The following NEK10 variants were observed in gnomAD, a reference collection of about 807,000 sequenced individuals.
The protein encoded by NEK10 is serine/threonine-protein kinase Nek10.
NEK10 carries 122 observed loss-of-function variants against 159.8 expected under a neutral mutation model. The observed-to-expected ratio is 0.76, with a 90% CI of 0.66 to 0.89. The LOEUF (loss-of-function observed/expected upper bound fraction) is 0.89, where lower values mean the gene tolerates loss of function less well. Ranked by LOEUF, NEK10 falls within the 40% of genes least tolerant of loss-of-function variation. The probability of loss-of-function intolerance (pLI) is 0.00; values close to 1 mark genes in which losing one functional copy is unlikely to be tolerated. For missense variants in NEK10, 1,342 were observed against 1,323.1 expected (o/e 1.01, Z -0.22); for synonymous variants, 466 against 457.1 (o/e 1.02, Z -0.25).
At chr3:27,255,977 T>C (rs1372075304) in intron 23 of NEK10, among the ~76,000 whole-genome samples, 1 of 152,136 alleles carries the variant, frequency 6.6e-6, no homozygotes, top group Admixed American at 6.5e-5. Flanking sequence ...GGGTAGCATA[T>C]CTATTACTTC....
intron 29 of NEK10, among the ~76,000 whole-genome samples, chr3:27,169,352 T>C (rs1559544891): frequency 1.3e-5 from 2 of 152,206 alleles, no homozygotes; most frequent in African/African-American, 4.8e-5. Flanking sequence ...TGGTTCTCTT[T>C]GGCATTTTGG....
intron 22 of NEK10, among the ~76,000 whole-genome samples, chr3:27,261,559 C>G (rs996572247): frequency 2.0e-4 from 30 of 152,154 alleles, no homozygotes; most frequent in Non-Finnish European, 4.1e-4. Context: ...ATCCTGAGTT[C>G]TAGTTTGATT....
At chr3:27,188,811 C>T (rs1275911474) in intron 26 of NEK10, among the ~76,000 whole-genome samples, 1 of 152,130 alleles carries the variant, frequency 6.6e-6, no homozygotes, top group African/African-American at 2.4e-5. Flanking sequence ...CAGGTTTTGT[C>T]AGGCTGAATT....
intron 30 of NEK10, among the ~76,000 whole-genome samples, chr3:27,161,861 C>T (rs909255293): frequency 3.3e-5 from 5 of 151,988 alleles, no homozygotes; most frequent in Non-Finnish European, 5.9e-5. Flanking sequence ...AAAAATTAGC[C>T]AGGAATGGTG....
At chr3:27,285,066 T>C in intron 20 of NEK10, 105 bp from the exon 21 acceptor site, 1 of 790,418 alleles carries the variant, frequency 1.3e-6, no homozygotes, top group Non-Finnish European at 2.0e-6. Context: ...TGCGGGACAC[T>C]AACACTAAAG....
chr3:27,278,521 T>A, intron 22 of NEK10: 1 of 182,110 alleles, frequency 5.5e-6, no homozygotes, highest in Non-Finnish European at 1.0e-5. Flanking sequence ...CTGAATCAGG[T>A]TTTTTCTTGT....
At chr3:27,238,482 A>G (rs753165099) in intron 23 of NEK10, among the ~76,000 whole-genome samples, 6 of 152,172 alleles carry the variant, frequency 3.9e-5, no homozygotes, top group South Asian at 2.1e-4. Flanking sequence ...TAATCAACAA[A>G]TTATAAACTT....
chr3:27,125,035 C>T (rs1026262843), intron 32 of NEK10, among the ~76,000 whole-genome samples: 2 of 152,082 alleles, frequency 1.3e-5, no homozygotes, highest in Non-Finnish European at 2.9e-5. Flanking sequence ...GGCCCTCCTG[C>T]TCTGAATAGA....
intron 30 of NEK10, among the ~76,000 whole-genome samples, chr3:27,142,014 T>G (rs538587557): frequency 9.6e-4 from 147 of 152,338 alleles, no homozygotes; most frequent in Non-Finnish European, 2.0e-3. Flanking sequence ...AACTATAAAA[T>G]GTAATCACTG....
At chr3:27,256,517 AG>A (rs1469451478) in intron 22 of NEK10, 146 bp from the exon 23 acceptor site, 3 of 414,780 alleles carry the variant, frequency 7.2e-6, no homozygotes, top group Non-Finnish European at 1.3e-5. Context: ...TGATATAATG[AG>A]GTTTATCATT....
intron 22 of NEK10, among the ~76,000 whole-genome samples, chr3:27,270,422 ACTACAGC>A (rs2041243785): frequency 2.0e-5 from 3 of 152,114 alleles, no homozygotes; most frequent in Admixed American, 2.0e-4. Context: ...TGACAGTTTG[ACTACAGC>A]CTCATGAGAA....
chr3:27,360,845 CATGG>C (rs2048634632), intron 1 of NEK10, among the ~76,000 whole-genome samples: 1 of 152,210 alleles, frequency 6.6e-6, no homozygotes, highest in Non-Finnish European at 1.5e-5. Context: ...GCATTATTAT[CATGG>C]CCTTGCTCCT....
chr3:27,188,485 T>C (rs914492379), intron 26 of NEK10, among the ~76,000 whole-genome samples: 4 of 152,236 alleles, frequency 2.6e-5, no homozygotes, highest in African/African-American at 7.2e-5. Flanking sequence ...CTTTCTGTTA[T>C]AGATGTGAAA....
chr3:27,246,233 T>C (rs1394881914), intron 23 of NEK10, among the ~76,000 whole-genome samples: 1 of 152,138 alleles, frequency 6.6e-6, no homozygotes, highest in African/African-American at 2.4e-5. Context: ...TTATTATGAC[T>C]TTTAGGTTCA....
At chr3:27,365,468 A>G (rs1378933398) in intron 1 of NEK10, among the ~76,000 whole-genome samples, 1 of 152,160 alleles carries the variant, frequency 6.6e-6, no homozygotes, top group Non-Finnish European at 1.5e-5. Flanking sequence ...GACTTTCATT[A>G]TGACCATGGC....
intron 22 of NEK10, among the ~76,000 whole-genome samples, chr3:27,275,233 A>G (rs1352051431): frequency 6.6e-6 from 1 of 152,220 alleles, no homozygotes; most frequent in African/African-American, 2.4e-5. Context: ...CTTGTAGCCA[A>G]CTTAAAAATA....
chr3:27,144,545 G>C (rs910001142), intron 30 of NEK10, among the ~76,000 whole-genome samples: 1 of 152,000 alleles, frequency 6.6e-6, no homozygotes, highest in Non-Finnish European at 1.5e-5. Flanking sequence ...TCTACACCTC[G>C]GTCAACAATA....
At chr3:27,165,741 A>C (rs1027029831) in intron 29 of NEK10, among the ~76,000 whole-genome samples, 1 of 152,228 alleles carries the variant, frequency 6.6e-6, no homozygotes, top group African/African-American at 2.4e-5. Flanking sequence ...GTTAGCCTAC[A>C]ATTTCCACCC....
chr3:27,191,379 GA>G (rs1949103697), intron 26 of NEK10, among the ~76,000 whole-genome samples: 2 of 151,780 alleles, frequency 1.3e-5, no homozygotes, highest in African/African-American at 4.8e-5. Context: ...ACAGAACACT[GA>G]TTGTGATTGC....
Sources: gnomAD v4.1 joint callset for allele counts (sites outside exome capture counted in the v4.1 genomes callset) on GRCh38, gnomAD v4.1.1 for gene constraint, MANE v1.5 for transcripts, NCBI Gene and HGNC (gene_info 2026-07-23, HGNC 2026-07-21) for gene names.